Variants in MASTL observed in about 807,000 individuals in gnomAD.
MASTL encodes microtubule associated serine/threonine kinase like.
MASTL carries 54 observed loss-of-function variants against 82.5 expected under a neutral mutation model. The observed-to-expected ratio is 0.65, with a 90% CI of 0.53 to 0.82. MASTL has a LOEUF of 0.82. Among genes scored for constraint, MASTL ranks in the 40% least tolerant of loss-of-function variants. MASTL has a pLI of 0.00. For synonymous variants in MASTL, 323 were observed against 368.9 expected (o/e 0.88, Z 1.43); for missense variants, 950 against 1,047.8 (o/e 0.91, Z 1.29).
chr10:27,165,310 G>A, intron 5 of MASTL, 79 bp from the exon 6 acceptor site: 1 of 1,464,278 alleles, frequency 6.8e-7, no homozygotes, highest in Non-Finnish European at 9.6e-7. Flanking sequence ...TGTCTACTTA[G>A]GTGGTATAAC....
chr10:27,170,160 G>A lies in MASTL; in HGVS notation c.1201G>A (p.Ala401Thr). 6.2e-7 allele frequency: 1 copy of A among 1,614,188 alleles called. No individual in the cohort carries two copies. Among genetic ancestry groups the A allele is most frequent in the Non-Finnish European group, 8.5e-7 (1 of 1,180,026 alleles). ...CTTCTCTGGGGAAGTTTCTTGGGAA[G>A]CAGTAGAACTGGATGTAAATAATAT... ...KCFSGEVSWE[A>T]VELDVNNINM... Residue 401 changes from alanine to threonine, a missense_variant, in exon 8 of 12, where the codon GCA (alanine) becomes ACA (threonine). Transcript: ENST00000375940.
chr10:27,155,936 G>T (rs1022723983), intron 1 of MASTL, among the ~76,000 whole-genome samples: 1 of 152,212 alleles, frequency 6.6e-6, no homozygotes, highest in African/African-American at 2.4e-5. Context: ...TGATTACATC[G>T]GTCTTAGTAC....
At chr10:27,171,431 T>G (rs1280156433) in intron 8 of MASTL, among the ~76,000 whole-genome samples, 3 of 149,846 alleles carry the variant, frequency 2.0e-5, no homozygotes, top group Non-Finnish European at 4.4e-5. Flanking sequence ...TTATTATTAT[T>G]ATTATTATTA....
intron 4 of MASTL, among the ~76,000 whole-genome samples, chr10:27,163,033 C>T (rs1325920830): frequency 2.0e-5 from 3 of 152,046 alleles, no homozygotes; most frequent in Non-Finnish European, 4.4e-5. Context: ...TCTCCTGCCT[C>T]AGCCTTCTGA....
chr10:27,169,869 C>G, intron 7 of MASTL, 75 bp from the exon 8 acceptor site: 1 of 1,473,614 alleles, frequency 6.8e-7, no homozygotes. Context: ...TTTATCCTAC[C>G]TTAACGGACC....
At chr10:27,164,966 C>T in intron 4 of MASTL, 98 bp from the exon 5 acceptor site, 1 of 832,042 alleles carries the variant, frequency 1.2e-6, no homozygotes, top group Admixed American at 2.1e-5. Flanking sequence ...ATTTGGTTTA[C>T]AAAAAATTGT....
chr10:27,158,401 G>T (rs371176713), intron 1 of MASTL, 148 bp from the exon 2 acceptor site: 55 of 657,764 alleles, frequency 8.4e-5, no homozygotes, highest in East Asian at 5.2e-4. Context: ...CAGCTACTTG[G>T]GAGGCTGAGG....
At position 27,159,519 on chromosome 10, in the gene MASTL, A is replaced by G; in HGVS notation, c.325-100A>G. The G allele has an allele frequency of 2.5e-6, 2 of 807,204 alleles. No homozygotes were observed. Among genetic ancestry groups the G allele is most frequent in the Admixed American group, 4.2e-5 (2 of 47,730 alleles). 50.0% of individuals were successfully genotyped at this position (807,204 alleles called of 1,614,324 possible). On this transcript the variant is annotated intron_variant, in intron 2 of 11. Transcript: ENST00000375940. The surrounding 1 kb of genome is among the most constrained non-coding windows in gnomAD (Gnocchi z 4.0). Reference sequence around the variant, plus strand: ...AATAGCAAGAAAAGGTCGTTTCATTACAGAGCCATGCCAAATATTGTAACT... The same window carrying G: ...AATAGCAAGAAAAGGTCGTTTCATTGCAGAGCCATGCCAAATATTGTAACT...
At chr10:27,177,943 C>T (rs758657153) in intron 9 of MASTL, 15 of 208,888 alleles carry the variant, frequency 7.2e-5, no homozygotes, top group African/African-American at 1.2e-4. Context: ...AAAAATGAAC[C>T]GTCTTCTGTT....
At chr10:27,185,888 G>A (rs113762082) in intron 11 of MASTL, among the ~76,000 whole-genome samples, 11,366 of 151,804 alleles carry the variant, frequency 0.075, 474 homozygotes, top group South Asian at 0.16. Flanking sequence ...TCAGGAGTTC[G>A]AGACCAACCT....
chr10:27,167,917 A>G (rs1588679881), intron 7 of MASTL, among the ~76,000 whole-genome samples: 1 of 152,214 alleles, frequency 6.6e-6, no homozygotes, highest in Admixed American at 6.5e-5. Flanking sequence ...GGATTTACTT[A>G]AAGTCACTTT....
At chr10:27,164,919 T>C (rs1328524447) in intron 4 of MASTL, 145 bp from the exon 5 acceptor site, 2 of 625,304 alleles carry the variant, frequency 3.2e-6, no homozygotes, top group Non-Finnish European at 5.7e-6. Flanking sequence ...ATTATAGGTG[T>C]GAGCCACCGT....
At chr10:27,183,927 G>T (rs1055325386) in intron 11 of MASTL, among the ~76,000 whole-genome samples, 1 of 152,072 alleles carries the variant, frequency 6.6e-6, no homozygotes, top group African/African-American at 2.4e-5. Context: ...GCCCAGGCTG[G>T]TCTCGAACTC....
In MASTL at chr10:27,181,579, A is replaced by C; in HGVS notation, c.2480A>C (p.Lys827Thr). The C allele has an allele frequency of 6.3e-7, 1 of 1,598,526 alleles. No homozygotes were observed. Among genetic ancestry groups the C allele is most frequent in the Non-Finnish European group, 8.6e-7 (1 of 1,166,540 alleles). Residue 827 changes from lysine to threonine, a missense_variant and splice_region_variant, in exon 11 of 12, where the codon AAA (lysine) becomes ACA (threonine). By Grantham distance (78) the Lys-to-Thr change is moderately conservative. Coordinates refer to ENST00000375940, the MANE Select transcript of MASTL (RefSeq NM_001172303.3). ...GATGATACAAAGAGAGCTGGAATGAAAGGTATGGTTTTGTGTTAATACATT... is the reference window on the plus strand; with the variant it reads ...GATGATACAAAGAGAGCTGGAATGACAGGTATGGTTTTGTGTTAATACATT... ...TIDDTKRAGM[K>T]ELKRHPLFSD...
At chr10:27,176,752 T>A (rs1359156465) in intron 9 of MASTL, among the ~76,000 whole-genome samples, 1 of 152,296 alleles carries the variant, frequency 6.6e-6, no homozygotes, top group South Asian at 2.1e-4. Context: ...TTAAAATTTA[T>A]GCCATTCTTC....
At chr10:27,158,756 C>A in intron 2 of MASTL, 70 bp downstream of exon 2, 2 of 1,564,770 alleles carry the variant, frequency 1.3e-6, no homozygotes, top group Non-Finnish European at 1.8e-6. Context: ...TTTAAGAGAA[C>A]CATGTTTTGG....
chr10:27,179,235 A>G (rs911224592), intron 9 of MASTL, among the ~76,000 whole-genome samples: 1 of 152,212 alleles, frequency 6.6e-6, no homozygotes, highest in African/African-American at 2.4e-5. Context: ...TATAGTTTAT[A>G]AGATCATATT....
intron 9 of MASTL, among the ~76,000 whole-genome samples, chr10:27,176,860 T>G (rs1459435488): frequency 6.7e-6 from 1 of 150,188 alleles, no homozygotes; most frequent in East Asian, 1.9e-4. Context: ...TTTTTTTTTT[T>G]TTTTTGAGAC....
At chr10:27,164,958 T>C (rs2057693906) in intron 4 of MASTL, 106 bp from the exon 5 acceptor site, 1 of 775,694 alleles carries the variant, frequency 1.3e-6, no homozygotes, top group African/African-American at 1.7e-5. Flanking sequence ...TTTTTAACAT[T>C]TGGTTTACAA....
Sources: gnomAD v4.1 joint callset for allele counts (sites outside exome capture counted in the v4.1 genomes callset) on GRCh38, gnomAD v4.1.1 for gene constraint, Gnocchi (gnomAD v3.1) non-coding constraint, MANE v1.5 for transcripts, NCBI Gene and HGNC (gene_info 2026-07-23, HGNC 2026-07-21) for gene names.